Variants in CDK17 observed in about 807,000 individuals in gnomAD.
CDK17 encodes the protein cyclin-dependent kinase 17.
In CDK17, 24 loss-of-function variants were observed where a neutral mutation model predicts 77.6. The ratio of observed to expected loss-of-function variants is 0.31; its 90% CI spans 0.22 to 0.44. The LOEUF (loss-of-function observed/expected upper bound fraction) is 0.44. Ranked by LOEUF, CDK17 falls within the 20% of genes least tolerant of loss-of-function variation. The pLI is 1.00. For synonymous variants in CDK17, 203 were observed against 210.4 expected (o/e 0.96, Z 0.30); for missense variants, 429 against 622.5 (o/e 0.69, Z 3.31).
chr12:96,302,097 C>T (rs11108457), intron 5 of CDK17, among the ~76,000 whole-genome samples: 12,206 of 152,076 alleles, frequency 0.08, 676 homozygotes, highest in South Asian at 0.18. Context: ...TGAAGTTTTA[C>T]GACCATCATA....
intron 10 of CDK17, among the ~76,000 whole-genome samples, chr12:96,290,025 TA>T (rs930144094): frequency 2.4e-4 from 36 of 148,490 alleles, no homozygotes; most frequent in Middle Eastern, 3.5e-3. Context: ...CCATGACCTT[TA>T]AAAAAAAAAA....
chr12:96,340,750 T>C (rs1455436930), intron 1 of CDK17, among the ~76,000 whole-genome samples: 1 of 152,210 alleles, frequency 6.6e-6, no homozygotes, highest in Admixed American at 6.5e-5. Context: ...AAATTACTGA[T>C]TATCTAAAAT....
At chr12:96,285,887 C>A (rs1952239465) in intron 13 of CDK17, 156 bp downstream of exon 13, 1 of 417,246 alleles carries the variant, frequency 2.4e-6, no homozygotes, top group African/African-American at 2.1e-5. Context: ...CTCTAGAATT[C>A]TAAAACATAT....
chr12:96,335,003 C>A lies in CDK17; in HGVS notation c.-29-138G>T, dbSNP rs918736757. 14 of 683,436 alleles carry A rather than the reference C, an allele frequency of 2.0e-5. No individual in the cohort carries two copies. The East Asian group carries it at 3.9e-4, about 19-fold the overall frequency. The allele number at this position is 683,436 out of a possible 1,614,324, so 42.3% of individuals were successfully genotyped here. ...CACTTCTGCCAAACATCACCAAATC[C>A]AACCCCTTTTTTAAAAAGATTCACC... On this transcript the variant is annotated intron_variant, in intron 1 of 16. Coordinates refer to ENST00000261211, the MANE Select transcript of CDK17 (RefSeq NM_002595.5).
At chr12:96,338,413 C>G (rs1953076026) in intron 1 of CDK17, among the ~76,000 whole-genome samples, 1 of 152,184 alleles carries the variant, frequency 6.6e-6, no homozygotes, top group Non-Finnish European at 1.5e-5. Flanking sequence ...AGCAAATCAT[C>G]AAGCATGATG....
intron 1 of CDK17, among the ~76,000 whole-genome samples, chr12:96,342,955 C>A (rs1371166576): frequency 2.3e-5 from 3 of 132,726 alleles, no homozygotes; most frequent in African/African-American, 9.4e-5. Context: ...AAGAGAGAAA[C>A]TCTGTCTTAA....
intron 7 of CDK17, among the ~76,000 whole-genome samples, chr12:96,298,510 G>GA (rs940272151): frequency 1.3e-5 from 2 of 152,014 alleles, no homozygotes; most frequent in Admixed American, 6.6e-5. Flanking sequence ...GCCATTTTCT[G>GA]AATAATCTTC....
At chr12:96,371,291 GA>G (rs1953688724) in intron 1 of CDK17, among the ~76,000 whole-genome samples, 1 of 152,050 alleles carries the variant, frequency 6.6e-6, no homozygotes, top group African/African-American at 2.4e-5. Flanking sequence ...GAACAAAGCT[GA>G]AAAGATCAGA....
At chr12:96,388,484 G>T (rs1338464242) in intron 1 of CDK17, among the ~76,000 whole-genome samples, 2 of 152,188 alleles carry the variant, frequency 1.3e-5, no homozygotes, top group Non-Finnish European at 2.9e-5. Flanking sequence ...TCTGGTGGGA[G>T]TAGAGGCATA....
chr12:96,318,188 A>T (rs1952760316), intron 3 of CDK17, among the ~76,000 whole-genome samples: 1 of 151,300 alleles, frequency 6.6e-6, no homozygotes, highest in South Asian at 2.1e-4. Flanking sequence ...AACAAAGATC[A>T]AAAGAGACAA....
At chr12:96,396,285 A>G (rs1199099370) in intron 1 of CDK17, among the ~76,000 whole-genome samples, 1 of 152,216 alleles carries the variant, frequency 6.6e-6, no homozygotes, top group Non-Finnish European at 1.5e-5. Context: ...TATTTTGCAG[A>G]TATCAAAAGT....
At chr12:96,389,410 C>T (rs1220718812) in intron 1 of CDK17, among the ~76,000 whole-genome samples, 2 of 152,060 alleles carry the variant, frequency 1.3e-5, no homozygotes, top group East Asian at 1.9e-4. Context: ...CAGATCTTTT[C>T]CAAAAAATTG....
At position 96,278,923 on chromosome 12, in the gene CDK17, AC is replaced by A. The variant is rs774401265; in HGVS notation, c.*1318del. ...AACAATAAACTACAAGATTTCCTGAACAGAAATGGTAGGACCCCTGAATGTT... is the reference window on the plus strand; with the variant it reads ...AACAATAAACTACAAGATTTCCTGAAAGAAATGGTAGGACCCCTGAATGTT... On this transcript the variant is annotated 3_prime_UTR_variant, in exon 17 of 17. Coordinates refer to ENST00000261211, the MANE Select transcript of CDK17 (RefSeq NM_002595.5). 20 of 152,626 alleles carry A rather than the reference AC, an allele frequency of 1.3e-4. No individual in the cohort carries two copies. The highest frequency in any genetic ancestry group is 2.2e-4 in the Non-Finnish European group (15 of 67,988). 9.5% of individuals were successfully genotyped at this position (152,626 alleles called of 1,614,324 possible). A position where few individuals can be genotyped will look rare whatever the true frequency, so the allele number is the denominator to read the frequency against.
intron 2 of CDK17, among the ~76,000 whole-genome samples, chr12:96,328,487 C>A (rs1952920215): frequency 6.6e-6 from 1 of 152,090 alleles, no homozygotes; most frequent in Non-Finnish European, 1.5e-5. Context: ...CTATCATAAT[C>A]ATGAGTTTCT....
intron 1 of CDK17, among the ~76,000 whole-genome samples, chr12:96,380,839 A>G (rs959559007): frequency 5.3e-5 from 8 of 152,274 alleles, no homozygotes; most frequent in East Asian, 1.9e-4. Context: ...CTCTATTTCT[A>G]TCACATGGAA....
At chr12:96,325,889 T>G (rs988148131) in intron 2 of CDK17, among the ~76,000 whole-genome samples, 5 of 152,174 alleles carry the variant, frequency 3.3e-5, no homozygotes, top group African/African-American at 1.2e-4. Flanking sequence ...CCAAGCATGA[T>G]GGCATGCACC....
chr12:96,354,476 C>G (rs1166896803), intron 1 of CDK17, among the ~76,000 whole-genome samples: 1 of 152,144 alleles, frequency 6.6e-6, no homozygotes, highest in East Asian at 1.9e-4. Context: ...TCTCACATTC[C>G]ACAATCAATG....
At chr12:96,299,483 C>T (rs113804943) in intron 6 of CDK17, among the ~76,000 whole-genome samples, 105 of 150,830 alleles carry the variant, frequency 7.0e-4, no homozygotes, top group African/African-American at 2.2e-3. Flanking sequence ...CTCCACCTTC[C>T]GGTTCCAAGC....
chr12:96,285,116 A>G (rs1565802678), intron 13 of CDK17, among the ~76,000 whole-genome samples: 1 of 152,210 alleles, frequency 6.6e-6, no homozygotes, highest in Non-Finnish European at 1.5e-5. Flanking sequence ...TCAACCTTCT[A>G]CACTGAACAT....
Sources: allele counts gnomAD v4.1 joint callset (sites outside exome capture counted in the v4.1 genomes callset), GRCh38; gene constraint gnomAD v4.1.1; transcripts MANE v1.5; gene names NCBI Gene and HGNC (gene_info 2026-07-23, HGNC 2026-07-21).